SPNS3: variants seen among roughly 807,000 people sequenced by gnomAD.
The protein encoded by SPNS3 is SPNS lysolipid transporter 3, sphingosine-1-phosphate (putative).
In SPNS3, 51 loss-of-function variants were observed where a neutral mutation model predicts 54.4. The observed-to-expected ratio is 0.94, with a 90% CI of 0.75 to 1.18. The LOEUF (loss-of-function observed/expected upper bound fraction) is 1.18, where lower values mean the gene tolerates loss of function less well. Among genes scored for constraint, SPNS3 ranks in the 50% most tolerant of loss-of-function variants. SPNS3 has a pLI of 0.00. For synonymous variants in SPNS3, 309 were observed against 294.7 expected (o/e 1.05, Z -0.50); for missense variants, 669 against 677.4 (o/e 0.99, Z 0.14).
rs772778978 is a variant in SPNS3 at position 4,487,876 on chromosome 17, C to G, written c.1521C>G (p.Ala507=). The G allele has an allele frequency of 1.2e-6, 2 of 1,613,950 alleles. No individual in the cohort carries two copies. The highest frequency in any genetic ancestry group is 2.7e-5 in the African/African-American group (2 of 74,956). The change falls in exon 12 of 12, where the codon GCC becomes GCG. Residue 507 remains alanine (A), a synonymous_variant. Transcript: ENST00000355530. ...ERQGLLSGAG[A]STEEP ...AAGGCCTACTTTCGGGCGCTGGCGC[C>G]TCTACAGAGGAGCCCTGAGGTCCCT... is the stretch of plus-strand genomic sequence containing the variant.
chr17:4,462,870 A>ACCC (rs1971574418), intron 8 of SPNS3, among the ~76,000 whole-genome samples: 1 of 9,340 alleles, frequency 1.1e-4, no homozygotes, highest in Non-Finnish European at 2.2e-4. Flanking sequence ...CCCACCCACC[A>ACCC]ATCCATCCAT....
intron 2 of SPNS3, among the ~76,000 whole-genome samples, chr17:4,442,549 G>T (rs1292914020): frequency 6.6e-6 from 1 of 151,324 alleles, no homozygotes; most frequent in African/African-American, 2.4e-5. Context: ...AACAAAAAAA[G>T]AGAAGAGGAG....
At chr17:4,455,239 G>C (rs1971275601) in intron 8 of SPNS3, among the ~76,000 whole-genome samples, 1 of 152,186 alleles carries the variant, frequency 6.6e-6, no homozygotes, top group Non-Finnish European at 1.5e-5. Flanking sequence ...ATCCGGACCA[G>C]AAAACTGCCT....
rs111658307 is a variant in SPNS3, at chr17:4,438,000, G to A, written c.200-1658G>A. 3.0e-3 allele frequency among the ~76,000 whole-genome samples: 459 copies of A among 152,248 alleles called. 5 individuals are homozygous for A. The highest frequency in any genetic ancestry group is 0.011 in the African/African-American group (443 of 41,556). ...GATGGGATTTCACTGTGTTAGCCAC[G>A]ATGGTCTTGATCTCCTGACCTCAAG... On this transcript the variant is annotated intron_variant, in intron 1 of 11. Transcript: ENST00000355530.
At position 4,486,700 on chromosome 17, in the gene SPNS3, T is replaced by A; in HGVS notation, c.1450+117T>A. On this transcript the variant is annotated intron_variant, in intron 11 of 11. Transcript: ENST00000355530. The surrounding 1 kb of genome is among the most constrained non-coding windows in gnomAD (Gnocchi z 5.5). ...TGTTCATTCATCCAGAAATGCTTAG[T>A]ACACCCCTGCTATGTACCAGGGAAG... 9.1e-7 allele frequency: 1 copy of A among 1,099,842 alleles called. No individual in the cohort carries two copies. Among genetic ancestry groups the A allele is most frequent in the Non-Finnish European group, 1.3e-6 (1 of 785,084 alleles). The allele number at this position is 1,099,842 out of a possible 1,614,324, so 68.1% of individuals were successfully genotyped here. A position where few individuals can be genotyped will look rare whatever the true frequency, so the allele number is the denominator to read the frequency against.
At chr17:4,450,130 G>A (rs890712236) in intron 7 of SPNS3, among the ~76,000 whole-genome samples, 118 of 151,634 alleles carry the variant, frequency 7.8e-4, no homozygotes, top group African/African-American at 2.7e-3. Context: ...CCCTGTCCTG[G>A]TGGGTCCTGG....
intron 8 of SPNS3, among the ~76,000 whole-genome samples, chr17:4,459,820 A>G (rs76124470): frequency 0.057 from 8,630 of 152,068 alleles, 319 homozygotes; most frequent in Middle Eastern, 0.13. Context: ...GAGATAGATA[A>G]CAAACAAGAT....
At chr17:4,460,063 A>C (rs1971455265) in intron 8 of SPNS3, among the ~76,000 whole-genome samples, 2 of 152,158 alleles carry the variant, frequency 1.3e-5, no homozygotes, top group South Asian at 4.1e-4. Context: ...ACAGTGTTCC[A>C]GGTAGAGGGA....
chr17:4,476,982 G>C (rs945329135), intron 8 of SPNS3, among the ~76,000 whole-genome samples: 19 of 152,200 alleles, frequency 1.2e-4, no homozygotes, highest in African/African-American at 4.6e-4. Flanking sequence ...GGCCCGTCCT[G>C]ATCCTGACTG....
In SPNS3 at chr17:4,445,136, G is replaced by A; in HGVS notation, c.370G>A (p.Ala124Thr). The A allele has an allele frequency of 6.2e-7, 1 of 1,614,126 alleles. No homozygotes were observed. Among genetic ancestry groups the A allele is most frequent in the Admixed American group, 1.7e-5 (1 of 60,024 alleles). Residue 124 changes from alanine to threonine, a missense_variant, in exon 3 of 12, where the codon GCT becomes ACT. Physicochemically the swap from Ala to Thr is moderately conservative, Grantham distance 58. Coordinates refer to ENST00000355530, the MANE Select transcript of SPNS3 (RefSeq NM_182538.5). ...MSFGILLWSGAGLSSSFISPR... is the reference protein window; with the variant it reads ...MSFGILLWSGTGLSSSFISPR... ...CTTCGGTATCTTGCTGTGGTCAGGA[G>A]CTGGCCTCTCTAGCTCCTTCATCTC...
chr17:4,467,861 T>A (rs1971725709), intron 8 of SPNS3, among the ~76,000 whole-genome samples: 1 of 152,142 alleles, frequency 6.6e-6, no homozygotes, highest in South Asian at 2.1e-4. Flanking sequence ...AGAGGGGGGT[T>A]TCACCATGTT....
rs146415339 is a variant in SPNS3, at chr17:4,480,550, C to T, written c.1179+1913C>T. Among the ~76,000 whole-genome samples, 54 of 152,322 alleles carry T rather than the reference C, an allele frequency of 3.5e-4. 1 individual carries two copies. The East Asian group carries it at 9.8e-3, about 28-fold the overall frequency. ...GCAGCTCCCTCTTCCACATGACAGC[C>T]CCACAGATATGTGAAGGCTGCACCC... is the stretch of plus-strand genomic sequence containing the variant. On this transcript the variant is annotated intron_variant, in intron 9 of 11. Transcript: ENST00000355530.
intron 8 of SPNS3, among the ~76,000 whole-genome samples, chr17:4,463,526 G>A (rs989918450): frequency 5.4e-5 from 8 of 149,086 alleles, no homozygotes; most frequent in African/African-American, 1.7e-4. Flanking sequence ...TCATGAGTTC[G>A]AGACCAGCCT....
chr17:4,446,225 C>T, intron 4 of SPNS3, 26 bp downstream of exon 4: 1 of 1,590,034 alleles, frequency 6.3e-7, no homozygotes, highest in Non-Finnish European at 8.6e-7. Context: ...GGGTCTACTT[C>T]CCCAGGTGGT....
intron 1 of SPNS3, among the ~76,000 whole-genome samples, chr17:4,439,060 C>A (rs774223275): frequency 6.6e-6 from 1 of 151,386 alleles, no homozygotes; most frequent in East Asian, 1.9e-4. Flanking sequence ...CGTGTGGCTG[C>A]GTGCTTATGT....
rs934355255 is a variant in SPNS3, at chr17:4,469,791, C to T, written c.1114-8781C>T. ...CACATGTCAGTCAAGGCTGTGAATG[C>T]GCAGTGCTACCGTGGTGAGGTCAAG... On this transcript the variant is annotated intron_variant, in intron 8 of 11. Coordinates refer to ENST00000355530, the MANE Select transcript of SPNS3 (RefSeq NM_182538.5). 5.9e-5 allele frequency among the ~76,000 whole-genome samples: 9 copies of T among 152,200 alleles called. No individual in the cohort carries two copies. The South Asian group carries it at 1.0e-3, about 18-fold the overall frequency.
chr17:4,440,477 G>A (rs1432794183), intron 2 of SPNS3, among the ~76,000 whole-genome samples: 1 of 152,188 alleles, frequency 6.6e-6, no homozygotes, highest in Admixed American at 6.6e-5. Flanking sequence ...GGGATACACA[G>A]TCACTTTCCA....
chr17:4,487,767 T>G lies in SPNS3; in HGVS notation c.1451-39T>G, dbSNP rs755054802. On this transcript the variant is annotated intron_variant, in intron 11 of 11. Transcript: ENST00000355530. ...CCAGGCCTGGTCCCAAAGCACCTTC[T>G]GCAACCTTCGGGCAGGCTGAGCATC... 3 of 1,602,402 alleles carry G rather than the reference T, an allele frequency of 1.9e-6. No homozygotes were observed. The African/African-American group carries it at 4.0e-5, about 21-fold the overall frequency.
At chr17:4,472,554 G>T (rs1971882365) in intron 8 of SPNS3, among the ~76,000 whole-genome samples, 1 of 152,112 alleles carries the variant, frequency 6.6e-6, no homozygotes, top group East Asian at 1.9e-4. Context: ...TGAGATGGGG[G>T]TTGCCCTCAG....
Sources: gnomAD v4.1 joint callset for allele counts (sites outside exome capture counted in the v4.1 genomes callset) on GRCh38, gnomAD v4.1.1 for gene constraint, Gnocchi (gnomAD v3.1) non-coding constraint, MANE v1.5 for transcripts, NCBI Gene and HGNC (gene_info 2026-07-23, HGNC 2026-07-21) for gene names.